Variants in CEPT1 observed in about 807,000 individuals in gnomAD.
CEPT1 encodes choline/ethanolamine phosphotransferase 1, also known as choline/ethanolaminephosphotransferase 1.
Under a neutral mutation model 42.6 loss-of-function variants are expected in CEPT1, and 7 were observed. The observed-to-expected ratio is 0.16, with a 90% CI of 0.09 to 0.31. The LOEUF is 0.31. Among genes scored for constraint, CEPT1 ranks in the 10% least tolerant of loss-of-function variants. The pLI is 1.00. For missense variants in CEPT1, 306 were observed against 502.1 expected (o/e 0.61, Z 3.73); for synonymous variants, 171 against 171.9 (o/e 0.99, Z 0.04).
At chr1:111,164,808 A>G (rs888182698) in intron 4 of CEPT1, among the ~76,000 whole-genome samples, 1 of 151,822 alleles carries the variant, frequency 6.6e-6, no homozygotes, top group Non-Finnish European at 1.5e-5. Context: ...CATTTTTAGT[A>G]GAGATGGGGT....
At position 111,147,743 on chromosome 1, in the gene CEPT1, G is replaced by T. The variant is rs1408593782; in HGVS notation, c.29G>T (p.Arg10Ile). 1 of 1,612,162 alleles carries T rather than the reference G, an allele frequency of 6.2e-7. No homozygotes were observed. The highest frequency in any genetic ancestry group is 8.5e-7 in the Non-Finnish European group (1 of 1,178,544). The change falls in exon 2 of 9, where the codon AGA becomes ATA. Residue 10 changes from arginine to isoleucine, a missense_variant. Arg to Ile is a moderately conservative substitution (Grantham distance 97, BLOSUM62 -3). Coordinates refer to ENST00000357172, the MANE Select transcript of CEPT1 (RefSeq NM_006090.5). Reference protein sequence around the residue: MSGHRSTRKRCGDSHPESPV... With the variant: MSGHRSTRKICGDSHPESPV... ...AGTGGGCATCGATCAACAAGGAAAA[G>T]ATGTGGAGATTCTCACCCGGAGTCC...
chr1:111,139,587 C>A (rs945350981), upstream of CEPT1: 1 of 152,284 alleles, frequency 6.6e-6, no homozygotes, highest in Non-Finnish European at 1.5e-5. Flanking sequence ...CTTCAACAAA[C>A]CAGAGGAATT....
chr1:111,182,172 C>G lies in CEPT1; in HGVS notation c.715-15C>G. On this transcript the variant is annotated splice_polypyrimidine_tract_variant and intron_variant, in intron 5 of 8. Coordinates refer to ENST00000357172, the MANE Select transcript of CEPT1 (RefSeq NM_006090.5). ...TGTATATGTTTTAATTGTTTTCTCT[C>G]TCTACCCATTAAAGATTCCAGTGCT... is the stretch of plus-strand genomic sequence containing the variant. The G allele has an allele frequency of 6.3e-7, 1 of 1,575,704 alleles. No homozygotes were observed. The highest frequency in any genetic ancestry group is 8.7e-7 in the Non-Finnish European group (1 of 1,155,198).
In CEPT1 at chr1:111,147,728, G is replaced by A. The variant is rs371497275; in HGVS notation, c.14G>A (p.Arg5Gln). MSGH[R>Q]STRKRCGDSH... ...AAAACAAGATCCATGAGTGGGCATCGATCAACAAGGAAAAGATGTGGAGAT... is the reference window on the plus strand; with the variant it reads ...AAAACAAGATCCATGAGTGGGCATCAATCAACAAGGAAAAGATGTGGAGAT... The change falls in exon 2 of 9, where the codon CGA (arginine) becomes CAA (glutamine). Residue 5 changes from arginine (R) to glutamine (Q), a missense_variant. Physicochemically the swap from Arg to Gln is conservative, Grantham distance 43. Coordinates refer to ENST00000357172, the MANE Select transcript of CEPT1 (RefSeq NM_006090.5). 4.0e-5 allele frequency: 65 copies of A among 1,607,196 alleles called. No homozygotes were observed. Among genetic ancestry groups the A allele is most frequent in the Non-Finnish European group, 5.1e-5 (60 of 1,175,510 alleles).
At chr1:111,158,809 A>G (rs529998864) in intron 2 of CEPT1, among the ~76,000 whole-genome samples, 1 of 151,426 alleles carries the variant, frequency 6.6e-6, no homozygotes, top group Non-Finnish European at 1.5e-5. Context: ...ACCTAGTCCA[A>G]TCTCTTGGGA....
chr1:111,184,542 C>A lies in CEPT1; in HGVS notation c.*232C>A. On this transcript the variant is annotated 3_prime_UTR_variant, in exon 9 of 9. Transcript: ENST00000357172. ...GCAGGGTTTGGGCCAAGAAAGCATG[C>A]AGAAAAAAATGCCATGTGATTGTAA... is the stretch of plus-strand genomic sequence containing the variant. 3.0e-6 allele frequency: 1 copy of A among 335,762 alleles called. No homozygotes were observed. Among genetic ancestry groups the A allele is most frequent in the African/African-American group, 2.1e-5 (1 of 46,744 alleles). 20.8% of individuals were successfully genotyped at this position (335,762 alleles called of 1,614,324 possible).
chr1:111,159,176 A>T (rs113824844), intron 2 of CEPT1, among the ~76,000 whole-genome samples: 2 of 149,784 alleles, frequency 1.3e-5, no homozygotes, highest in African/African-American at 5.0e-5. Context: ...CGGCCTCCCA[A>T]AGTGCTGGGA....
chr1:111,154,804 G>A (rs1372730582), intron 2 of CEPT1, among the ~76,000 whole-genome samples: 1 of 152,170 alleles, frequency 6.6e-6, no homozygotes, highest in East Asian at 1.9e-4. Context: ...ATTTGCATAT[G>A]TTGGACCATC....
At chr1:111,168,585 T>C (rs942336368) in intron 4 of CEPT1, among the ~76,000 whole-genome samples, 37 of 151,696 alleles carry the variant, frequency 2.4e-4, no homozygotes, top group African/African-American at 9.0e-4. Context: ...GCCTCCCAGG[T>C]TCACGCCATT....
At chr1:111,179,497 G>A (rs1656863980) in intron 5 of CEPT1, 2 of 152,176 alleles carry the variant, frequency 1.3e-5, no homozygotes, top group Admixed American at 1.3e-4. Flanking sequence ...AAAAAGATTG[G>A]GAAAGACAGA....
At chr1:111,183,021 T>C in intron 7 of CEPT1, 64 bp downstream of exon 7, 1 of 1,487,482 alleles carries the variant, frequency 6.7e-7, no homozygotes, top group Admixed American at 1.8e-5. Context: ...TTTATGGCTA[T>C]AGTTCTCATT....
chr1:111,165,029 AC>A (rs1226369077), intron 4 of CEPT1, among the ~76,000 whole-genome samples: 1 of 148,970 alleles, frequency 6.7e-6, no homozygotes. Flanking sequence ...AACTATACTT[AC>A]ATAAAACATC....
chr1:111,179,078 C>T (rs868416815), intron 5 of CEPT1: 3 of 152,062 alleles, frequency 2.0e-5, no homozygotes, highest in Non-Finnish European at 4.4e-5. Flanking sequence ...ATGTACAAAG[C>T]CTGTAAGGAC....
intron 4 of CEPT1, among the ~76,000 whole-genome samples, chr1:111,161,552 G>T (rs1427145079): frequency 6.6e-6 from 1 of 152,032 alleles, no homozygotes; most frequent in African/African-American, 2.4e-5. Context: ...CCTCATCTTT[G>T]TCTTTCCCAC....
chr1:111,164,824 C>T lies in CEPT1; in HGVS notation c.629+3528C>T, dbSNP rs567437045. 4.7e-4 allele frequency among the ~76,000 whole-genome samples: 71 copies of T among 151,946 alleles called. No homozygotes were observed. In the South Asian group the frequency reaches 0.013, roughly 28 times the overall value. The stretch of plus-strand genomic sequence containing the variant: ...ATTTTTAGTAGAGATGGGGTTTCAC[C>T]GTGTTAGCCAGGATGGTCTCGATCT... On this transcript the variant is annotated intron_variant, in intron 4 of 8. Transcript: ENST00000357172.
At position 111,148,073 on chromosome 1, in the gene CEPT1, T is replaced by C; in HGVS notation, c.339+20T>C. 6.3e-7 allele frequency: 1 copy of C among 1,586,590 alleles called. No homozygotes were observed. Among genetic ancestry groups the C allele is most frequent in the Non-Finnish European group, 8.6e-7 (1 of 1,156,820 alleles). On this transcript the variant is annotated intron_variant, in intron 2 of 8. Coordinates refer to ENST00000357172, the MANE Select transcript of CEPT1 (RefSeq NM_006090.5). The stretch of plus-strand genomic sequence containing the variant: ...GAGCAGGTAAGAGTTTCTTAACAGA[T>C]CTCAACATTTGCTATATACCAAAAA...
At chr1:111,166,668 G>A (rs1656160757) in intron 4 of CEPT1, among the ~76,000 whole-genome samples, 7 of 152,190 alleles carry the variant, frequency 4.6e-5, no homozygotes. Flanking sequence ...AGGAGCGTAA[G>A]ATGGATTAGT....
At chr1:111,183,687 G>T in intron 8 of CEPT1, 100 bp downstream of exon 8, 1 of 1,202,548 alleles carries the variant, frequency 8.3e-7, no homozygotes, top group Non-Finnish European at 1.2e-6. Flanking sequence ...TCATATAATT[G>T]TAATGATTTG....
At chr1:111,144,991 T>G (rs685377) in intron 1 of CEPT1, among the ~76,000 whole-genome samples, 31,120 of 152,114 alleles carry the variant, frequency 0.2, 3,331 homozygotes, top group Middle Eastern at 0.27. Context: ...AAATTAGCTT[T>G]GATTTCTCTC....
Sources: allele counts gnomAD v4.1 joint callset (sites outside exome capture counted in the v4.1 genomes callset), GRCh38; gene constraint gnomAD v4.1.1; transcripts MANE v1.5; gene names NCBI Gene and HGNC (gene_info 2026-07-23, HGNC 2026-07-21).